Variants in NEK7 observed in about 807,000 individuals in gnomAD.
The protein encoded by NEK7 is NIMA related kinase 7.
A neutral mutation model predicts 44.6 loss-of-function variants in NEK7; 18 were observed. The ratio of observed to expected loss-of-function variants is 0.40; its 90% CI spans 0.28 to 0.60. The LOEUF is 0.60. NEK7 is among the 20% of genes least tolerant of loss of function. NEK7 has a pLI of 0.38. For missense variants in NEK7, 256 were observed against 366.5 expected (o/e 0.70, Z 2.46); for synonymous variants, 130 against 121.1 (o/e 1.07, Z -0.48).
At chr1:198,274,878 T>C (rs1356176288) in intron 5 of NEK7, among the ~76,000 whole-genome samples, 1 of 151,774 alleles carries the variant, frequency 6.6e-6, no homozygotes, top group East Asian at 1.9e-4. Flanking sequence ...CCAAAATCTT[T>C]GAAAGGAGAC....
At position 198,253,114 on chromosome 1, in the gene NEK7, AT is replaced by A; in HGVS notation, c.135del (p.Phe45LeufsTer16). ...TAGAAAAGAAAATTGGTCGCGGACA[AT>A]TTAGTGAAGTTTATAGAGCAGCCTG... is the stretch of plus-strand genomic sequence containing the variant. ...RIEKKIGRGQ[F>X]SEVYRAACLL... is the part of the protein sequence containing the mutation. On this transcript the variant is annotated frameshift_variant, in exon 3 of 10. Transcript: ENST00000367385. LOFTEE classifies it high-confidence loss of function. The A allele has an allele frequency of 6.2e-7, 1 of 1,612,778 alleles. No individual in the cohort carries two copies.
intron 9 of NEK7, among the ~76,000 whole-genome samples, chr1:198,301,402 T>C (rs2103020103): frequency 6.6e-6 from 1 of 151,506 alleles, no homozygotes; most frequent in Admixed American, 6.6e-5. Flanking sequence ...TGCAACAAAT[T>C]AGCCGGGCGT....
intron 1 of NEK7, among the ~76,000 whole-genome samples, chr1:198,180,184 CTT>C (rs879735266): frequency 5.6e-5 from 8 of 144,038 alleles, no homozygotes; most frequent in Admixed American, 1.4e-4. Flanking sequence ...CTACACCTCC[CTT>C]TTTTTTTTTG....
At chr1:198,185,827 A>G (rs1254715712) in intron 1 of NEK7, among the ~76,000 whole-genome samples, 1 of 152,200 alleles carries the variant, frequency 6.6e-6, no homozygotes, top group African/African-American at 2.4e-5. Flanking sequence ...AATGGGGCAG[A>G]GAAGGCATTA....
chr1:198,240,388 C>G (rs1431170516), intron 2 of NEK7, among the ~76,000 whole-genome samples: 1 of 151,606 alleles, frequency 6.6e-6, no homozygotes, highest in African/African-American at 2.4e-5. Context: ...TCTATTTGAA[C>G]AGTCTGTTCA....
Position 198,320,076 on chromosome 1 carries a change from G to A in NEK7, c.*554G>A, listed in dbSNP as rs1655491318. ...ACACAAACTATTTGAGAAACATTTA[G>A]AACTCTTAGCTTATACATTCAAAAT... is the stretch of plus-strand genomic sequence containing the variant. On this transcript the variant is annotated 3_prime_UTR_variant, in exon 10 of 10. Coordinates refer to ENST00000367385, the MANE Select transcript of NEK7 (RefSeq NM_133494.3). 6.6e-6 allele frequency: 1 copy of A among 152,112 alleles called. No individual in the cohort carries two copies. Among genetic ancestry groups the A allele is most frequent in the African/African-American group, 2.4e-5 (1 of 41,418 alleles). 9.4% of individuals were successfully genotyped at this position (152,112 alleles called of 1,614,324 possible).
intron 9 of NEK7, among the ~76,000 whole-genome samples, chr1:198,312,463 T>C (rs1307326528): frequency 1.3e-5 from 2 of 152,148 alleles, no homozygotes; most frequent in East Asian, 3.9e-4. Context: ...ATTTTAGTTA[T>C]TTCTTGCCTT....
At chr1:198,220,554 C>G (rs913820898) in intron 1 of NEK7, among the ~76,000 whole-genome samples, 1 of 152,080 alleles carries the variant, frequency 6.6e-6, no homozygotes, top group Non-Finnish European at 1.5e-5. Context: ...ACTATCAACT[C>G]TAAGCACTTA....
chr1:198,213,291 A>G (rs1243315474), intron 1 of NEK7, among the ~76,000 whole-genome samples: 1 of 152,194 alleles, frequency 6.6e-6, no homozygotes, highest in East Asian at 1.9e-4. Flanking sequence ...GAGCCTCTGA[A>G]CTTTACACTA....
At chr1:198,240,408 G>A (rs1344832902) in intron 2 of NEK7, among the ~76,000 whole-genome samples, 3 of 151,804 alleles carry the variant, frequency 2.0e-5, no homozygotes, top group South Asian at 2.1e-4. Context: ...AGAGCGATGG[G>A]GCAAAGATGA....
chr1:198,310,930 T>G (rs1356363104), intron 9 of NEK7, among the ~76,000 whole-genome samples: 2 of 149,446 alleles, frequency 1.3e-5, no homozygotes, highest in Non-Finnish European at 3.0e-5. Context: ...GGCTCTTTTT[T>G]GGTTCCATAT....
intron 1 of NEK7, among the ~76,000 whole-genome samples, chr1:198,208,032 A>G (rs547142177): frequency 6.6e-6 from 1 of 152,138 alleles, no homozygotes; most frequent in African/African-American, 2.4e-5. Context: ...TAACATGGCA[A>G]TCACTTTTAT....
intron 2 of NEK7, among the ~76,000 whole-genome samples, chr1:198,252,591 ATATG>A (rs1264174413): frequency 3.6e-5 from 5 of 139,066 alleles, no homozygotes; most frequent in Non-Finnish European, 7.7e-5. Context: ...ATACACATAT[ATATG>A]TATGTTTATA....
At chr1:198,194,299 CTTTTT>C (rs530096391) in intron 1 of NEK7, among the ~76,000 whole-genome samples, 1 of 132,128 alleles carries the variant, frequency 7.6e-6, no homozygotes, top group Non-Finnish European at 1.6e-5. Flanking sequence ...CTTTTTCTTT[CTTTTT>C]TTTTTTTTAA....
At chr1:198,312,881 G>GGT (rs1447618090) in intron 9 of NEK7, among the ~76,000 whole-genome samples, 4 of 152,082 alleles carry the variant, frequency 2.6e-5, no homozygotes, top group Non-Finnish European at 4.4e-5. Context: ...TTTTGGAATA[G>GGT]GTGTGGCGTG....
chr1:198,160,313 ATT>A (rs761820121), intron 1 of NEK7, among the ~76,000 whole-genome samples: 9 of 143,884 alleles, frequency 6.3e-5, no homozygotes, highest in Non-Finnish European at 9.2e-5. Context: ...GTTTCCCTTG[ATT>A]TTTTTTTTTT....
chr1:198,215,371 AG>A (rs1205139563), intron 1 of NEK7, among the ~76,000 whole-genome samples: 1 of 152,250 alleles, frequency 6.6e-6, no homozygotes, highest in Non-Finnish European at 1.5e-5. Flanking sequence ...ACATAAAACA[AG>A]CTTGTCCAAT....
chr1:198,160,790 A>T (rs538748726), intron 1 of NEK7, among the ~76,000 whole-genome samples: 16 of 152,342 alleles, frequency 1.1e-4, no homozygotes, highest in African/African-American at 3.8e-4. Context: ...CAGAATTTTT[A>T]AATTGATACA....
intron 1 of NEK7, among the ~76,000 whole-genome samples, chr1:198,161,139 C>T (rs1664091008): frequency 6.6e-6 from 1 of 152,162 alleles, no homozygotes; most frequent in South Asian, 2.1e-4. Flanking sequence ...ATGAATAAAA[C>T]TGATTTTAGT....
Sources: allele counts gnomAD v4.1 joint callset (sites outside exome capture counted in the v4.1 genomes callset), GRCh38; gene constraint gnomAD v4.1.1; transcripts MANE v1.5; gene names NCBI Gene and HGNC (gene_info 2026-07-23, HGNC 2026-07-21).